The following FAM184A variants were observed in gnomAD, a reference collection of about 807,000 sequenced individuals.
FAM184A encodes the protein family with sequence similarity 184 member A.
Under a neutral mutation model 143.8 loss-of-function variants are expected in FAM184A, and 99 were observed. The observed-to-expected ratio is 0.69, with a 90% CI of 0.58 to 0.81. FAM184A has a LOEUF of 0.81. FAM184A is among the 40% of genes least tolerant of loss of function. FAM184A has a pLI of 0.00. For missense variants in FAM184A, 1,217 were observed against 1,310.5 expected, an observed-to-expected ratio of 0.93 and a Z score of 1.10; for synonymous variants, 427 against 446.4, an observed-to-expected ratio of 0.96 and a Z score of 0.55.
chr6:119,002,370 G>C (rs1014335063), intron 9 of FAM184A, among the ~76,000 whole-genome samples: 2 of 152,076 alleles, frequency 1.3e-5, no homozygotes, highest in Non-Finnish European at 2.9e-5. Flanking sequence ...CAAATGTTAT[G>C]GAAATAAGCA....
intron 6 of FAM184A, among the ~76,000 whole-genome samples, chr6:119,007,036 T>C (rs559364992): frequency 3.0e-4 from 46 of 152,270 alleles, no homozygotes; most frequent in African/African-American, 1.1e-3. Context: ...AGGGGATAAA[T>C]TTAGGTCAAT....
intron 14 of FAM184A, among the ~76,000 whole-genome samples, chr6:118,970,008 A>ATATATATTTATATATATATTTTT: frequency 5.3e-5 from 1 of 19,046 alleles, no homozygotes; most frequent in Admixed American, 7.6e-4. Context: ...ATATATATAT[A>ATATATATTTATATATATATTTTT]TTTTTTTTTT....
intron 1 of FAM184A, among the ~76,000 whole-genome samples, chr6:119,115,827 G>A (rs1004175867): frequency 8.6e-5 from 13 of 151,584 alleles, no homozygotes; most frequent in African/African-American, 2.9e-4. Context: ...AAAATAGCCT[G>A]GTATGGTGGC....
At chr6:119,033,061 T>A (rs1320962217) in intron 1 of FAM184A, among the ~76,000 whole-genome samples, 1 of 152,118 alleles carries the variant, frequency 6.6e-6, no homozygotes, top group Non-Finnish European at 1.5e-5. Flanking sequence ...TAAATATAAT[T>A]TTTTTGCAAA....
chr6:119,111,976 C>T (rs1788945414), intron 1 of FAM184A, among the ~76,000 whole-genome samples: 2 of 152,230 alleles, frequency 1.3e-5, no homozygotes, highest in South Asian at 4.1e-4. Flanking sequence ...AGCAAAGTAA[C>T]AAGGCCATGT....
intron 1 of FAM184A, among the ~76,000 whole-genome samples, chr6:119,116,482 T>C (rs995857049): frequency 5.3e-5 from 8 of 152,312 alleles, no homozygotes; most frequent in Admixed American, 1.3e-4. Flanking sequence ...CAAATCTGCA[T>C]GTGTACCCTT....
chr6:119,030,232 C>A (rs1209845405), intron 1 of FAM184A, among the ~76,000 whole-genome samples: 1 of 151,974 alleles, frequency 6.6e-6, no homozygotes, highest in Middle Eastern at 3.2e-3. Context: ...AACATAATAA[C>A]AAATTAATAC....
In FAM184A at chr6:119,011,349, T is replaced by C; in HGVS notation, c.1613A>G (p.Lys538Arg). 6.2e-7 allele frequency: 1 copy of C among 1,608,834 alleles called. No homozygotes were observed. Among genetic ancestry groups the C allele is most frequent in the South Asian group, 1.1e-5 (1 of 89,886 alleles). ...NQLQQELENL[K>R]EVLEDKLNTA... ...ATTCAACTTGTCTTCCAGTACTTCC[T>C]TTAGGTTTTCTAGCTCTTGTTGAAG... is the stretch of plus-strand genomic sequence containing the variant. The change falls in exon 6 of 18, where the codon AAG (lysine) becomes AGG (arginine). Residue 538 changes from lysine to arginine, a missense_variant. By Grantham distance (26) the Lys-to-Arg change is conservative. Coordinates refer to ENST00000338891, the MANE Select transcript of FAM184A (RefSeq NM_024581.6).
At chr6:119,127,718 C>A (rs765524132) in intron 1 of FAM184A, among the ~76,000 whole-genome samples, 1 of 152,138 alleles carries the variant, frequency 6.6e-6, no homozygotes, top group Non-Finnish European at 1.5e-5. Context: ...GCAAGCATTT[C>A]TCCTTCCTTC....
rs544563783 is a variant in FAM184A, at chr6:119,099,462, C to T, written c.-202+49616G>A. 5.3e-5 allele frequency among the ~76,000 whole-genome samples: 8 copies of T among 152,180 alleles called. No individual in the cohort carries two copies. In the East Asian group the frequency reaches 1.4e-3, roughly 26 times the overall value. On this transcript the variant is annotated intron_variant, in intron 1 of 16. Transcript: ENST00000352896. ...ATTTCATGCTTGGGGGAAGAGCTTCCAGTAGACCCCTAAGAGGAGTCCCTG... is the reference window on the plus strand; with the variant it reads ...ATTTCATGCTTGGGGGAAGAGCTTCTAGTAGACCCCTAAGAGGAGTCCCTG...
At chr6:119,077,769 T>C (rs889057435) in intron 1 of FAM184A, among the ~76,000 whole-genome samples, 1 of 152,248 alleles carries the variant, frequency 6.6e-6, no homozygotes. Context: ...AATACGGTAC[T>C]GTACTTCAAA....
At chr6:119,098,567 C>T (rs114539182) in intron 1 of FAM184A, among the ~76,000 whole-genome samples, 1,560 of 152,142 alleles carry the variant, frequency 0.01, 20 homozygotes, top group African/African-American at 0.036. Context: ...CTTGAAGTAG[C>T]GTGTTATGGG....
At chr6:119,137,154 C>A (rs1789693233) in intron 1 of FAM184A, among the ~76,000 whole-genome samples, 1 of 152,190 alleles carries the variant, frequency 6.6e-6, no homozygotes, top group African/African-American at 2.4e-5. Context: ...GTTCTGGAGG[C>A]TGAAAATCTG....
At chr6:119,118,175 T>C (rs1198520484) in intron 1 of FAM184A, among the ~76,000 whole-genome samples, 1 of 152,210 alleles carries the variant, frequency 6.6e-6, no homozygotes, top group Non-Finnish European at 1.5e-5. Flanking sequence ...ATTCTTATTT[T>C]TTATAATAAT....
chr6:119,123,670 T>C (rs1381931176), intron 1 of FAM184A, among the ~76,000 whole-genome samples: 3 of 152,164 alleles, frequency 2.0e-5, no homozygotes, highest in Non-Finnish European at 4.4e-5. Flanking sequence ...AGGGGTCCCC[T>C]TGGCAAAGAG....
At chr6:119,132,358 G>T (rs541519889) in intron 1 of FAM184A, among the ~76,000 whole-genome samples, 23 of 152,136 alleles carry the variant, frequency 1.5e-4, no homozygotes, top group Non-Finnish European at 2.9e-4. Flanking sequence ...CAGTAAGCTG[G>T]TTGGCAGCAA....
chr6:118,962,752 G>T (rs1237016857), intron 16 of FAM184A: 1 of 152,002 alleles, frequency 6.6e-6, no homozygotes, highest in African/African-American at 2.4e-5. Flanking sequence ...CTATCAGCTT[G>T]CAATTCACTA....
intron 1 of FAM184A, among the ~76,000 whole-genome samples, chr6:119,095,222 T>A (rs777682928): frequency 2.6e-5 from 4 of 152,236 alleles, no homozygotes; most frequent in Admixed American, 6.5e-5. Context: ...ACCCTACTTA[T>A]AAGCCCTATT....
intron 9 of FAM184A, among the ~76,000 whole-genome samples, chr6:118,986,161 C>T (rs941604861): frequency 2.0e-5 from 3 of 152,004 alleles, no homozygotes; most frequent in African/African-American, 7.2e-5. Flanking sequence ...GGTGTGGCAG[C>T]GGGCGCCTGT....
Sources: gnomAD v4.1 joint callset for allele counts (sites outside exome capture counted in the v4.1 genomes callset) on GRCh38, gnomAD v4.1.1 for gene constraint, MANE v1.5 for transcripts, NCBI Gene and HGNC (gene_info 2026-07-23, HGNC 2026-07-21) for gene names.